Variants in NCAM2 observed in about 807,000 individuals in gnomAD.
NCAM2 encodes N-CAM-2.
In NCAM2, 30 loss-of-function variants were observed where a neutral mutation model predicts 98.1. The observed-to-expected ratio is 0.31, with a 90% CI of 0.23 to 0.41. The LOEUF (loss-of-function observed/expected upper bound fraction) is 0.41. NCAM2 is among the 10% of genes least tolerant of loss of function. NCAM2 has a pLI of 1.00. For synonymous variants in NCAM2, 368 were observed against 342.4 expected, an observed-to-expected ratio of 1.07 and a Z score of -0.83; for missense variants, 867 against 1,005.8, an observed-to-expected ratio of 0.86 and a Z score of 1.87.
chr21:21,416,585 T>G (rs62207444), intron 10 of NCAM2, among the ~76,000 whole-genome samples: 2,156 of 152,182 alleles, frequency 0.014, 39 homozygotes, highest in Admixed American at 0.037. Flanking sequence ...TATTTAAATA[T>G]GAAGAAATAG....
intron 6 of NCAM2, among the ~76,000 whole-genome samples, chr21:21,328,969 T>G (rs2074597610): frequency 1.3e-5 from 2 of 151,218 alleles, no homozygotes; most frequent in African/African-American, 2.4e-5. Flanking sequence ...TTTTTTTTTT[T>G]TTTGAGATGG....
At chr21:21,179,409 A>T (rs914684111) in intron 1 of NCAM2, among the ~76,000 whole-genome samples, 1 of 152,090 alleles carries the variant, frequency 6.6e-6, no homozygotes, top group Non-Finnish European at 1.5e-5. Context: ...TTTTGCCTAG[A>T]TTTCTTTTTT....
chr21:21,004,168 CTAATA>C (rs1331156925), intron 1 of NCAM2, among the ~76,000 whole-genome samples: 1 of 152,174 alleles, frequency 6.6e-6, no homozygotes, highest in African/African-American at 2.4e-5. Flanking sequence ...TTAAATGAAT[CTAATA>C]TATCTTCAGC....
intron 9 of NCAM2, among the ~76,000 whole-genome samples, chr21:21,389,571 C>G (rs999172669): frequency 2.6e-5 from 4 of 152,168 alleles, no homozygotes; most frequent in African/African-American, 9.7e-5. Context: ...TAACCAATCT[C>G]TCTTCATTTT....
intron 1 of NCAM2, among the ~76,000 whole-genome samples, chr21:21,051,238 C>T (rs2065102103): frequency 7.5e-6 from 1 of 132,930 alleles, no homozygotes. Context: ...CTAAAGCATG[C>T]TTCAAGCTAT....
chr21:21,063,147 C>G (rs998880124), intron 1 of NCAM2, among the ~76,000 whole-genome samples: 3 of 145,574 alleles, frequency 2.1e-5, no homozygotes, highest in Non-Finnish European at 4.5e-5. Context: ...CTTAAAATAT[C>G]TTTGAATCAG....
intron 10 of NCAM2, among the ~76,000 whole-genome samples, chr21:21,415,586 C>T (rs766103201): frequency 3.3e-5 from 5 of 152,128 alleles, no homozygotes; most frequent in East Asian, 1.9e-4. Flanking sequence ...CTGCCCGCCT[C>T]GGCCTCCCAA....
chr21:21,276,426 A>T (rs2072731085), intron 1 of NCAM2, among the ~76,000 whole-genome samples: 1 of 152,020 alleles, frequency 6.6e-6, no homozygotes, highest in South Asian at 2.1e-4. Flanking sequence ...ACATATATTC[A>T]TCATGCATTT....
Position 21,217,795 on chromosome 21 carries a change from A to G in NCAM2, c.56-62783A>G, listed in dbSNP as rs1479249346. Among the ~76,000 whole-genome samples the G allele has an allele frequency of 3.3e-5, 5 of 152,190 alleles. No homozygotes were observed. In the East Asian group the frequency reaches 9.7e-4, roughly 29 times the overall value. On this transcript the variant is annotated intron_variant, in intron 1 of 17. Transcript: ENST00000400546. ...CAGAGGTGAGTTGATGCAGAAGGGG[A>G]GGGTGGAGGGAGTCAAAAGTAAGAG...
At chr21:21,524,779 T>A (rs535299310) in intron 16 of NCAM2, among the ~76,000 whole-genome samples, 1 of 152,218 alleles carries the variant, frequency 6.6e-6, no homozygotes, top group Admixed American at 6.5e-5. Context: ...TGACACACTT[T>A]AAAACATTTT....
chr21:21,287,777 A>G (rs371473878), intron 4 of NCAM2, among the ~76,000 whole-genome samples: 27 of 152,022 alleles, frequency 1.8e-4, no homozygotes, highest in African/African-American at 6.5e-4. Context: ...TTTCCCCAGC[A>G]TCCCAGGACT....
At chr21:21,032,054 T>C (rs956076607) in intron 1 of NCAM2, among the ~76,000 whole-genome samples, 3 of 152,146 alleles carry the variant, frequency 2.0e-5, no homozygotes, top group Non-Finnish European at 4.4e-5. Flanking sequence ...TCAAAGTTTA[T>C]CAGGCACCAC....
chr21:21,265,632 C>T (rs1343703969), intron 1 of NCAM2, among the ~76,000 whole-genome samples: 1 of 150,914 alleles, frequency 6.6e-6, no homozygotes, highest in East Asian at 2.0e-4. Flanking sequence ...AGCTAGAGGC[C>T]ATTATCCTAT....
chr21:21,514,990 T>C (rs1182772717), intron 16 of NCAM2, among the ~76,000 whole-genome samples: 2 of 152,186 alleles, frequency 1.3e-5, no homozygotes, highest in South Asian at 2.1e-4. Context: ...CACATATCCA[T>C]TTAAAAAATT....
chr21:21,235,014 C>T (rs2408006), intron 1 of NCAM2, among the ~76,000 whole-genome samples: 150,746 of 152,126 alleles, frequency 0.99, 74,711 homozygotes, highest in East Asian at 1. Context: ...AGTGAAACAT[C>T]GTAGCAAAAT....
At chr21:21,357,735 G>A (rs1265576085) in intron 8 of NCAM2, among the ~76,000 whole-genome samples, 1 of 151,786 alleles carries the variant, frequency 6.6e-6, no homozygotes, top group South Asian at 2.1e-4. Flanking sequence ...AACCCTGAAG[G>A]TGCATTCTGG....
intron 1 of NCAM2, among the ~76,000 whole-genome samples, chr21:21,241,211 G>A (rs1463747756): frequency 3.3e-5 from 5 of 151,794 alleles, no homozygotes; most frequent in Non-Finnish European, 4.4e-5. Flanking sequence ...AAAGAACAAT[G>A]ACAACAAAAA....
At chr21:21,083,186 C>T (rs1285881786) in intron 1 of NCAM2, among the ~76,000 whole-genome samples, 1 of 152,092 alleles carries the variant, frequency 6.6e-6, no homozygotes, top group South Asian at 2.1e-4. Flanking sequence ...AGCTTCTTAA[C>T]GTGGTACATG....
rs112956753 is a variant in NCAM2, at chr21:21,509,137, G to C, written c.2282+82G>C. The C allele has an allele frequency of 1.2e-3, 1,622 of 1,355,306 alleles. 24 individuals carry two copies. In the African/African-American group the frequency reaches 0.021, roughly 17 times the overall value. The allele number at this position is 1,355,306 out of a possible 1,614,324, so 84.0% of individuals were successfully genotyped here. A position where few individuals can be genotyped will look rare whatever the true frequency, so the allele number is the denominator to read the frequency against. The stretch of plus-strand genomic sequence containing the variant: ...AGTGCTTTACCTGAGGGCGTTGTAG[G>C]GTAAAGGAGTAGGGTAAAGAGTTTG... On this transcript the variant is annotated intron_variant, in intron 16 of 17. Transcript: ENST00000400546.
Sources: gnomAD v4.1 joint callset for allele counts (sites outside exome capture counted in the v4.1 genomes callset) on GRCh38, gnomAD v4.1.1 for gene constraint, MANE v1.5 for transcripts, NCBI Gene and HGNC (gene_info 2026-07-23, HGNC 2026-07-21) for gene names.